ZMYND12: variants seen among roughly 807,000 people sequenced by gnomAD.
ZMYND12 encodes the protein zinc finger MYND domain-containing protein 12.
A neutral mutation model predicts 41.7 loss-of-function variants in ZMYND12; 32 were observed. That is an observed-to-expected ratio of 0.77 (90% CI 0.58 to 1.03). The LOEUF is 1.03. Among genes scored for constraint, ZMYND12 ranks in the 50% least tolerant of loss-of-function variants. ZMYND12 has a pLI of 0.00. For synonymous variants in ZMYND12, 148 were observed against 164.8 expected (o/e 0.90, Z 0.78); for missense variants, 424 against 438.5 (o/e 0.97, Z 0.30).
At chr1:42,437,598 C>CT (rs1403183519) in intron 4 of ZMYND12, among the ~76,000 whole-genome samples, 2 of 150,284 alleles carry the variant, frequency 1.3e-5, no homozygotes, top group Admixed American at 6.6e-5. Context: ...ACTGCAACCT[C>CT]GCCTCCCGGG....
chr1:42,441,403 T>C (rs1642967219), intron 3 of ZMYND12, among the ~76,000 whole-genome samples: 1 of 152,156 alleles, frequency 6.6e-6, no homozygotes, highest in African/African-American at 2.4e-5. Flanking sequence ...TACCTAAATA[T>C]AAGGATGCTC....
chr1:42,455,887 C>T lies in ZMYND12; in HGVS notation c.110+1G>A. 1 of 1,608,596 alleles carries T rather than the reference C, an allele frequency of 6.2e-7. No homozygotes were observed. Among genetic ancestry groups the T allele is most frequent in the Non-Finnish European group, 8.5e-7 (1 of 1,176,446 alleles). ...CCCAGGTGCCACGTTTCAGGGCCTA[C>T]CAGTAATAAGTGACTGTGCAGGCCG... On this transcript the variant is annotated splice_donor_variant, in intron 1 of 7. Coordinates refer to ENST00000372565, the MANE Select transcript of ZMYND12 (RefSeq NM_032257.5). LOFTEE classifies it high-confidence loss of function.
At chr1:42,447,135 G>T (rs1237283836) in intron 3 of ZMYND12, among the ~76,000 whole-genome samples, 1 of 152,050 alleles carries the variant, frequency 6.6e-6, no homozygotes, top group Non-Finnish European at 1.5e-5. Context: ...ATTACAGAAG[G>T]GTGAAAGAGT....
rs780961912 is a variant in ZMYND12 at position 42,448,526 on chromosome 1, T to C, written c.365A>G (p.Tyr122Cys). The change falls in exon 3 of 8, where the codon TAT becomes TGT. Residue 122 changes from tyrosine (Y) to cysteine (C), a missense_variant. Coordinates refer to ENST00000372565, the MANE Select transcript of ZMYND12 (RefSeq NM_032257.5). ...CACAAGCTCTACGGAGCTCAGGCCATACAGCTTCACACGGAAGCGAAGGGA... is the reference window on the plus strand; with the variant it reads ...CACAAGCTCTACGGAGCTCAGGCCACACAGCTTCACACGGAAGCGAAGGGA... The part of the protein sequence containing the change: ...LQSLRFRVKL[Y>C]GLSSVELVPA... The C allele has an allele frequency of 2.5e-6, 4 of 1,613,716 alleles. No individual in the cohort carries two copies. Among genetic ancestry groups the C allele is most frequent in the Middle Eastern group, 1.7e-4 (1 of 6,048 alleles).
At position 42,430,690 on chromosome 1, in the gene ZMYND12, C is replaced by T. The variant is rs746386462; in HGVS notation, c.*46G>A. The stretch of plus-strand genomic sequence containing the variant: ...TGTGCAAGGCTGGAATATATTAGAT[C>T]TTCAGTAGCCCCTGGAATAACCCTT... On this transcript the variant is annotated 3_prime_UTR_variant, in exon 8 of 8. Coordinates refer to ENST00000372565, the MANE Select transcript of ZMYND12 (RefSeq NM_032257.5). The T allele has an allele frequency of 4.3e-5, 69 of 1,604,498 alleles. No homozygotes were observed. Among genetic ancestry groups the T allele is most frequent in the Non-Finnish European group, 5.5e-5 (64 of 1,172,262 alleles).
chr1:42,441,707 G>A lies in ZMYND12; in HGVS notation c.425-1682C>T, dbSNP rs1480330810. Among the ~76,000 whole-genome samples the A allele has an allele frequency of 9.2e-5, 14 of 151,632 alleles. 1 individual carries two copies. Among genetic ancestry groups the A allele is most frequent in the Admixed American group, 7.2e-4 (11 of 15,250 alleles). ...GGGATCTCGGCTCACTGCAAGCTCC[G>A]CCTCCCAGGTTCACGCCATTCTCCT... On this transcript the variant is annotated intron_variant, in intron 3 of 7. Coordinates refer to ENST00000372565, the MANE Select transcript of ZMYND12 (RefSeq NM_032257.5).
chr1:42,431,601 T>C lies in ZMYND12; in HGVS notation c.976-743A>G, dbSNP rs563729231. Among the ~76,000 whole-genome samples, 8 of 152,280 alleles carry C rather than the reference T, an allele frequency of 5.3e-5. 1 individual carries two copies. The South Asian group carries it at 1.5e-3, about 28-fold the overall frequency. ...GAAGTGAGGTGCCAGTCTTGATGGA[T>C]AGATAGATGTGTGCCTTTTGTCTAA... On this transcript the variant is annotated intron_variant, in intron 7 of 7. Transcript: ENST00000372565.
intron 1 of ZMYND12, among the ~76,000 whole-genome samples, chr1:42,452,389 T>C (rs1261023191): frequency 6.6e-6 from 1 of 152,212 alleles, no homozygotes; most frequent in Non-Finnish European, 1.5e-5. Context: ...TTGTCACCAA[T>C]GTTTTAGTAT....
intron 6 of ZMYND12, 27 bp downstream of exon 6, chr1:42,435,247 C>A: frequency 6.5e-7 from 1 of 1,537,432 alleles, no homozygotes; most frequent in South Asian, 1.1e-5. Context: ...AGTCACTGCT[C>A]TCCCTTCAGG....
intron 3 of ZMYND12, among the ~76,000 whole-genome samples, chr1:42,446,651 CAA>C (rs11368621): frequency 1.2e-3 from 153 of 126,060 alleles, no homozygotes; most frequent in African/African-American, 4.4e-3. Flanking sequence ...GACTCGGTCT[CAA>C]AAAAAAAAAA....
At chr1:42,441,945 T>A (rs1288027068) in intron 3 of ZMYND12, among the ~76,000 whole-genome samples, 1 of 152,248 alleles carries the variant, frequency 6.6e-6, no homozygotes, top group Non-Finnish European at 1.5e-5. Flanking sequence ...GTATCATTTT[T>A]AATCATTGTA....
intron 3 of ZMYND12, among the ~76,000 whole-genome samples, chr1:42,441,925 G>T (rs1390806745): frequency 6.6e-6 from 1 of 152,146 alleles, no homozygotes; most frequent in African/African-American, 2.4e-5. Flanking sequence ...CGGCCGTATT[G>T]TTTTTATTTG....
At chr1:42,455,866 G>C in intron 1 of ZMYND12, 22 bp downstream of exon 1, 1 of 1,579,666 alleles carries the variant, frequency 6.3e-7, no homozygotes, top group South Asian at 1.1e-5. Context: ...ATAGCGCCCA[G>C]GTGCCACGTT....
At chr1:42,441,900 G>A (rs1056285534) in intron 3 of ZMYND12, among the ~76,000 whole-genome samples, 3 of 152,226 alleles carry the variant, frequency 2.0e-5, no homozygotes, top group Non-Finnish European at 2.9e-5. Context: ...GATTACAGGC[G>A]TGAGCCACCG....
Position 42,448,604 on chromosome 1 carries a change from T to C in ZMYND12, c.287A>G (p.Gln96Arg). 6.2e-7 allele frequency: 1 copy of C among 1,613,386 alleles called. No homozygotes were observed. Among genetic ancestry groups the C allele is most frequent in the East Asian group, 2.2e-5 (1 of 44,824 alleles). The change falls in exon 3 of 8, where the codon CAG becomes CGG. Residue 96 changes from glutamine to arginine, a missense_variant. Gln to Arg is a conservative substitution (Grantham distance 43, BLOSUM62 1). Coordinates refer to ENST00000372565, the MANE Select transcript of ZMYND12 (RefSeq NM_032257.5). Reference sequence around the variant, plus strand: ...GTGTTTCCCTTCAAAGAGGTATTTCTGGGCTATGGTGTAGCAGAATTCAAT... The same window carrying C: ...GTGTTTCCCTTCAAAGAGGTATTTCCGGGCTATGGTGTAGCAGAATTCAAT... ...YLIEFCYTIA[Q>R]KYLFEGKHED...
intron 3 of ZMYND12, among the ~76,000 whole-genome samples, chr1:42,441,637 T>TTTTC (rs1642970180): frequency 6.6e-6 from 1 of 152,334 alleles, no homozygotes; most frequent in South Asian, 2.1e-4. Context: ...TTTTGTTTTT[T>TTTTC]TGAGACGGAG....
chr1:42,455,343 G>T (rs935657471), intron 1 of ZMYND12, among the ~76,000 whole-genome samples: 2 of 152,202 alleles, frequency 1.3e-5, no homozygotes, highest in Non-Finnish European at 2.9e-5. Context: ...CGCGATCTCC[G>T]CTCACTGCGA....
chr1:42,444,522 G>A (rs1052370525), intron 3 of ZMYND12, among the ~76,000 whole-genome samples: 4 of 152,100 alleles, frequency 2.6e-5, no homozygotes, highest in Admixed American at 6.5e-5. Flanking sequence ...CATTACACTC[G>A]AACTCATTTC....
intron 4 of ZMYND12, among the ~76,000 whole-genome samples, chr1:42,438,031 G>A (rs776847732): frequency 4.6e-5 from 7 of 150,698 alleles, no homozygotes; most frequent in East Asian, 2.0e-4. Flanking sequence ...GGCTGGTCTC[G>A]AACTCCTGAC....
Sources: gnomAD v4.1 joint callset for allele counts (sites outside exome capture counted in the v4.1 genomes callset) on GRCh38, gnomAD v4.1.1 for gene constraint, MANE v1.5 for transcripts, NCBI Gene and HGNC (gene_info 2026-07-23, HGNC 2026-07-21) for gene names.